The following CATSPERT variants were observed in gnomAD, a reference collection of about 807,000 sequenced individuals.
CATSPERT encodes the protein catsper channel auxiliary subunit tau.
chr2:201,583,725 T>C, the CATSPERT span, among the ~76,000 whole-genome samples: 1 of 152,002 alleles, frequency 6.6e-6, no homozygotes, highest in Non-Finnish European at 1.5e-5. Flanking sequence ...CCAAGGAAAA[T>C]GAGCAGTTAA....
chr2:201,556,546 T>C, the CATSPERT span, among the ~76,000 whole-genome samples: 1 of 143,762 alleles, frequency 7.0e-6, no homozygotes, highest in East Asian at 2.1e-4. Context: ...TCCAAAAAAG[T>C]AGTAAGTGTT....
the CATSPERT span, chr2:201,494,391 C>T: frequency 2.6e-6 from 4 of 1,537,234 alleles, no homozygotes; most frequent in Non-Finnish European, 3.5e-6. Context: ...ATGTGTTTGC[C>T]TGTACATTTC....
the CATSPERT span, among the ~76,000 whole-genome samples, chr2:201,572,372 C>A: frequency 2.6e-5 from 4 of 152,024 alleles, no homozygotes; most frequent in African/African-American, 9.7e-5. Flanking sequence ...GCTTTATCTG[C>A]CCCCAATGTA....
the CATSPERT span, among the ~76,000 whole-genome samples, chr2:201,572,711 T>C: frequency 6.6e-6 from 1 of 151,730 alleles, no homozygotes; most frequent in Admixed American, 6.6e-5. Flanking sequence ...AAGGCCTAAT[T>C]ACAATAAGAA....
the CATSPERT span, among the ~76,000 whole-genome samples, chr2:201,514,136 AG>A: frequency 6.6e-6 from 1 of 152,184 alleles, no homozygotes; most frequent in East Asian, 1.9e-4. Flanking sequence ...TAGCAAAAGA[AG>A]AACAAATTAT....
At chr2:201,618,975 A>C in the CATSPERT span, 1 of 1,613,922 alleles carries the variant, frequency 6.2e-7, no homozygotes, top group Non-Finnish European at 8.5e-7. Flanking sequence ...TCAGGGCGTA[A>C]GGGACCGAAG....
chr2:201,537,397 A>G, the CATSPERT span: 1 of 1,484,534 alleles, frequency 6.7e-7, no homozygotes, highest in East Asian at 2.4e-5. Context: ...CCCTTTATAA[A>G]ATAATGACTA....
At chr2:201,526,171 C>T in the CATSPERT span, among the ~76,000 whole-genome samples, 1 of 152,082 alleles carries the variant, frequency 6.6e-6, no homozygotes, top group Non-Finnish European at 1.5e-5. Flanking sequence ...ACAACAACAA[C>T]AATTTCAGGT....
the CATSPERT span, among the ~76,000 whole-genome samples, chr2:201,523,620 C>T: frequency 1.4e-5 from 2 of 147,436 alleles, no homozygotes; most frequent in African/African-American, 5.0e-5. Context: ...TGCACTAGCT[C>T]CCCAGCAATG....
the CATSPERT span, among the ~76,000 whole-genome samples, chr2:201,563,391 G>C: frequency 8.0e-6 from 1 of 125,520 alleles, no homozygotes; most frequent in Admixed American, 8.3e-5. Flanking sequence ...CTCCCTCCCG[G>C]ACGGGGCGGC....
the CATSPERT span, among the ~76,000 whole-genome samples, chr2:201,528,552 T>G: frequency 6.6e-6 from 1 of 152,234 alleles, no homozygotes; most frequent in East Asian, 1.9e-4. Flanking sequence ...AAATGTGGTA[T>G]GTATATTCCA....
At chr2:201,605,683 C>G in the CATSPERT span, among the ~76,000 whole-genome samples, 2 of 152,116 alleles carry the variant, frequency 1.3e-5, no homozygotes, top group African/African-American at 2.4e-5. Flanking sequence ...GGGGAGAAAT[C>G]TTCAGATGAC....
the CATSPERT span, among the ~76,000 whole-genome samples, chr2:201,533,262 G>A: frequency 1.1e-3 from 175 of 152,280 alleles, 2 homozygotes; most frequent in Admixed American, 0.01. Context: ...TTCACTGAAA[G>A]CAAAAATGAA....
At chr2:201,618,809 C>T in the CATSPERT span, 1 of 1,158,226 alleles carries the variant, frequency 8.6e-7, no homozygotes, top group Non-Finnish European at 1.2e-6. Flanking sequence ...ATGCAATTGG[C>T]ACACATTGAA....
chr2:201,575,456 G>T, the CATSPERT span: 2 of 494,982 alleles, frequency 4.0e-6, no homozygotes, highest in Non-Finnish European at 6.7e-6. Context: ...GAACTGGGCT[G>T]CACAGCAGGA....
the CATSPERT span, among the ~76,000 whole-genome samples, chr2:201,495,512 TC>T: frequency 6.6e-6 from 1 of 152,160 alleles, no homozygotes; most frequent in Non-Finnish European, 1.5e-5. Flanking sequence ...AACTCTTTTT[TC>T]GTACTTCTGT....
At chr2:201,560,342 G>A in the CATSPERT span, among the ~76,000 whole-genome samples, 2 of 151,688 alleles carry the variant, frequency 1.3e-5, no homozygotes, top group African/African-American at 4.8e-5. Context: ...AGAACTCCTT[G>A]AACCCAGGAG....
the CATSPERT span, among the ~76,000 whole-genome samples, chr2:201,509,300 G>A: frequency 6.6e-6 from 1 of 150,826 alleles, no homozygotes; most frequent in Non-Finnish European, 1.5e-5. Flanking sequence ...AGCTTCTTTG[G>A]AGAACTCTCC....
At chr2:201,562,482 C>T in the CATSPERT span, among the ~76,000 whole-genome samples, 9 of 151,860 alleles carry the variant, frequency 5.9e-5, no homozygotes, top group African/African-American at 1.2e-4. Context: ...CCACCACGCC[C>T]GGCCCCTTCT....
Sources: allele counts gnomAD v4.1 joint callset (sites outside exome capture counted in the v4.1 genomes callset), GRCh38; gene constraint gnomAD v4.1.1; transcripts MANE v1.5; gene names NCBI Gene and HGNC (gene_info 2026-07-23, HGNC 2026-07-21).